Variants in STK3 observed in about 807,000 individuals in gnomAD.
STK3 encodes the protein serine/threonine-protein kinase 3.
In STK3, 41 loss-of-function variants were observed where a neutral mutation model predicts 58.0. The observed-to-expected ratio is 0.71, with a 90% CI of 0.55 to 0.92. STK3 has a LOEUF of 0.92. Ranked by LOEUF, STK3 falls within the 40% of genes least tolerant of loss-of-function variation. STK3 has a pLI of 0.00. For synonymous variants in STK3, 170 were observed against 191.0 expected (o/e 0.89, Z 0.91); for missense variants, 479 against 602.7 (o/e 0.79, Z 2.15).
chr8:98,473,319 A>G (rs964509025), intron 10 of STK3, among the ~76,000 whole-genome samples: 3 of 152,122 alleles, frequency 2.0e-5, no homozygotes, highest in Non-Finnish European at 4.4e-5. Flanking sequence ...TCAGAAACCT[A>G]TCTACACAGT....
At chr8:98,415,839 G>A (rs1818108937) in intron 3 of STK3, among the ~76,000 whole-genome samples, 1 of 152,182 alleles carries the variant, frequency 6.6e-6, no homozygotes, top group African/African-American at 2.4e-5. Context: ...GTTGTACAAT[G>A]ATTATTACAA....
At chr8:98,603,393 T>C (rs1816517362) in intron 6 of STK3, 1 of 152,188 alleles carries the variant, frequency 6.6e-6, no homozygotes, top group African/African-American at 2.4e-5. Flanking sequence ...CCCGCCACCA[T>C]GCCTGGCTAT....
chr8:98,595,828 A>C (rs1815774738), intron 7 of STK3: 1 of 463,262 alleles, frequency 2.2e-6, no homozygotes. Flanking sequence ...TGAAAGGAGA[A>C]TGCTTTGGAA....
At chr8:98,677,828 G>A (rs1823338558) in intron 6 of STK3, among the ~76,000 whole-genome samples, 2 of 152,070 alleles carry the variant, frequency 1.3e-5, no homozygotes, top group Non-Finnish European at 2.9e-5. Context: ...ATTTGAAAAT[G>A]TTTTTTACAT....
At chr8:98,516,982 CT>C (rs1285107551) in intron 10 of STK3, among the ~76,000 whole-genome samples, 9 of 151,932 alleles carry the variant, frequency 5.9e-5, no homozygotes, top group African/African-American at 2.2e-4. Context: ...GTTACTGAGC[CT>C]TTTATAAGAT....
intron 1 of STK3, among the ~76,000 whole-genome samples, chr8:98,897,607 A>G (rs1838504985): frequency 6.6e-6 from 1 of 152,116 alleles, no homozygotes; most frequent in African/African-American, 2.4e-5. Context: ...AAACAAACAA[A>G]CAAACAAAAA....
downstream of STK3, chr8:98,881,496 G>T (rs1378948253): frequency 6.6e-6 from 1 of 152,156 alleles, no homozygotes; most frequent in Non-Finnish European, 1.5e-5. Flanking sequence ...ACCACACAAA[G>T]AATTAACCCT....
Position 98,375,274 on chromosome 8 carries a change from A to AAC in STK3, n.112-3597_112-3596insGT, listed in dbSNP as rs1020171838. Among the ~76,000 whole-genome samples, 10 of 143,006 alleles carry AAC rather than the reference A, an allele frequency of 7.0e-5. 1 individual carries two copies. The highest frequency in any genetic ancestry group is 1.9e-4 in the East Asian group (1 of 5,142). 93.8% of individuals were successfully genotyped at this position (143,006 alleles called of 152,430 possible). A position where few individuals can be genotyped will look rare whatever the true frequency, so the allele number is the denominator to read the frequency against. The stretch of plus-strand genomic sequence containing the variant: ...TGTTTCCAAAACAAAAAAAAAACAA[A>AAC]AAAAAACAAAAAAAAAAACCTATTA... On this transcript the variant is annotated intron_variant and non_coding_transcript_variant, in intron 2 of 2. Transcript: ENST00000518704.
At chr8:98,411,189 T>C (rs567527206) in intron 3 of STK3, among the ~76,000 whole-genome samples, 1 of 152,224 alleles carries the variant, frequency 6.6e-6, no homozygotes, top group South Asian at 2.1e-4. Context: ...GAGGAAAAAA[T>C]GAAGATTTGG....
At chr8:98,528,127 A>G (rs543852573) in intron 9 of STK3, among the ~76,000 whole-genome samples, 1 of 152,300 alleles carries the variant, frequency 6.6e-6, no homozygotes, top group South Asian at 2.1e-4. Flanking sequence ...GTCTTAGTTT[A>G]GCTTCTAATC....
chr8:98,693,813 G>A (rs993200854), intron 6 of STK3, among the ~76,000 whole-genome samples: 1 of 152,192 alleles, frequency 6.6e-6, no homozygotes, highest in Non-Finnish European at 1.5e-5. Flanking sequence ...CACCACTACA[G>A]AGAATCAGTT....
At chr8:98,909,046 T>C (rs1839032878) in intron 1 of STK3, among the ~76,000 whole-genome samples, 1 of 151,888 alleles carries the variant, frequency 6.6e-6, no homozygotes, top group Admixed American at 6.6e-5. Flanking sequence ...ATCGCAGCTA[T>C]TCAGGTCAGG....
At chr8:98,598,090 T>G (rs764750185) in intron 6 of STK3, 1 of 985,290 alleles carries the variant, frequency 1.0e-6, no homozygotes, top group African/African-American at 1.7e-5. Context: ...AGCCCCTATA[T>G]AGACTGACCT....
At chr8:98,801,096 T>C (rs1442765504) in intron 1 of STK3, among the ~76,000 whole-genome samples, 1 of 152,210 alleles carries the variant, frequency 6.6e-6, no homozygotes, top group Admixed American at 6.5e-5. Flanking sequence ...AGCCAAAGGA[T>C]TGTATATGCA....
chr8:98,886,502 A>G (rs1463465237), intron 1 of STK3, among the ~76,000 whole-genome samples: 2 of 152,260 alleles, frequency 1.3e-5, no homozygotes, highest in African/African-American at 4.8e-5. Flanking sequence ...AATTATTTAT[A>G]TGCAATATTA....
chr8:98,910,552 C>G (rs1029087219), intron 1 of STK3, among the ~76,000 whole-genome samples: 5 of 152,158 alleles, frequency 3.3e-5, no homozygotes, highest in African/African-American at 2.4e-5. Context: ...CATATGGTGA[C>G]TCTTTTCTGA....
chr8:98,735,836 C>A (rs772760270), intron 4 of STK3, among the ~76,000 whole-genome samples: 3 of 152,138 alleles, frequency 2.0e-5, no homozygotes, highest in Admixed American at 6.5e-5. Flanking sequence ...CAACTTAATT[C>A]TATGCCTTCA....
intron 6 of STK3, among the ~76,000 whole-genome samples, chr8:98,609,495 A>G (rs529306719): frequency 5.9e-5 from 9 of 152,334 alleles, no homozygotes; most frequent in African/African-American, 2.2e-4. Context: ...ACATTTACAT[A>G]TAAAAAGAAC....
the STK3 span, among the ~76,000 whole-genome samples, chr8:98,365,732 TA>T: frequency 6.9e-6 from 1 of 145,944 alleles, no homozygotes; most frequent in East Asian, 2.3e-4. Context: ...TGATAAACAA[TA>T]TATAACATTT....
Sources: allele counts gnomAD v4.1 joint callset (sites outside exome capture counted in the v4.1 genomes callset), GRCh38; gene constraint gnomAD v4.1.1; transcripts MANE v1.5; gene names NCBI Gene and HGNC (gene_info 2026-07-23, HGNC 2026-07-21).